CADPS2: variants seen among roughly 807,000 people sequenced by gnomAD.
CADPS2 encodes the protein calcium-dependent secretion activator 2.
In CADPS2, 93 loss-of-function variants were observed where a neutral mutation model predicts 172.5. The ratio of observed to expected loss-of-function variants is 0.54; its 90% CI spans 0.46 to 0.64. The LOEUF (loss-of-function observed/expected upper bound fraction) is 0.64. Among genes scored for constraint, CADPS2 ranks in the 30% least tolerant of loss-of-function variants. The probability of loss-of-function intolerance (pLI) is 0.00; values close to 1 mark genes in which losing one functional copy is unlikely to be tolerated. For synonymous variants in CADPS2, 546 were observed against 555.2 expected (o/e 0.98, Z 0.23); for missense variants, 1,420 against 1,565.9 (o/e 0.91, Z 1.57).
At chr7:122,870,352 A>C (rs966767983) in intron 1 of CADPS2, among the ~76,000 whole-genome samples, 7 of 152,074 alleles carry the variant, frequency 4.6e-5, no homozygotes, top group African/African-American at 1.7e-4. Context: ...CTGTAAAAAG[A>C]GACAAAGAAG....
intron 1 of CADPS2, among the ~76,000 whole-genome samples, chr7:122,771,048 C>T (rs373653402): frequency 1.4e-4 from 22 of 152,220 alleles, no homozygotes; most frequent in African/African-American, 4.8e-4. Flanking sequence ...GAATCATGGG[C>T]TTTTTGAAAA....
intron 29 of CADPS2, among the ~76,000 whole-genome samples, chr7:122,321,613 C>T (rs539258253): frequency 2.0e-5 from 3 of 152,242 alleles, no homozygotes; most frequent in South Asian, 2.1e-4. Context: ...CTCAGCCTCC[C>T]GAGTAGCTGG....
intron 25 of CADPS2, among the ~76,000 whole-genome samples, chr7:122,367,596 G>A (rs2041119830): frequency 7.0e-6 from 1 of 142,988 alleles, no homozygotes; most frequent in Admixed American, 7.2e-5. Flanking sequence ...CCAGGCTGGA[G>A]TGCAACGGCG....
intron 8 of CADPS2, among the ~76,000 whole-genome samples, chr7:122,536,872 T>G (rs1301105530): frequency 6.6e-6 from 1 of 152,008 alleles, no homozygotes; most frequent in East Asian, 1.9e-4. Flanking sequence ...TCAAAATAAT[T>G]CATTGATGAT....
At chr7:122,761,816 G>A (rs1481673448) in intron 1 of CADPS2, among the ~76,000 whole-genome samples, 6 of 147,616 alleles carry the variant, frequency 4.1e-5, no homozygotes, top group African/African-American at 1.0e-4. Flanking sequence ...CCAACATGGC[G>A]AAACCACATC....
At chr7:122,771,112 G>A (rs1418859525) in intron 1 of CADPS2, among the ~76,000 whole-genome samples, 1 of 152,160 alleles carries the variant, frequency 6.6e-6, no homozygotes, top group Non-Finnish European at 1.5e-5. Flanking sequence ...CTGGGGCAGG[G>A]CCTAGATATC....
chr7:122,373,063 T>A (rs1247562390), intron 25 of CADPS2, among the ~76,000 whole-genome samples: 1 of 152,230 alleles, frequency 6.6e-6, no homozygotes, highest in East Asian at 1.9e-4. Flanking sequence ...AAGGCTTAAA[T>A]AAAGTCACAA....
At chr7:122,807,288 C>G (rs1234132794) in intron 1 of CADPS2, among the ~76,000 whole-genome samples, 3 of 152,196 alleles carry the variant, frequency 2.0e-5, no homozygotes, top group Non-Finnish European at 4.4e-5. Flanking sequence ...ATCACTTAGC[C>G]AGTGATCATA....
intron 9 of CADPS2, among the ~76,000 whole-genome samples, chr7:122,495,694 G>A (rs2058679265): frequency 2.0e-5 from 3 of 152,098 alleles, no homozygotes; most frequent in Admixed American, 1.3e-4. Context: ...AGGTTGTTGG[G>A]TGCACAGATC....
In CADPS2 at chr7:122,663,430, G is replaced by C; in HGVS notation, c.593C>G (p.Thr198Arg). 1 of 1,613,906 alleles carries C rather than the reference G, an allele frequency of 6.2e-7. No homozygotes were observed. Among genetic ancestry groups the C allele is most frequent in the Non-Finnish European group, 8.5e-7 (1 of 1,179,872 alleles). ...TTTGGCTATCCATGAGCTCAACACTGTCTCTTTGCTCAAGCCATCTATTTC... is the reference window on the plus strand; with the variant it reads ...TTTGGCTATCCATGAGCTCAACACTCTCTCTTTGCTCAAGCCATCTATTTC... ...LPEIDGLSKE[T>R]VLSSWIAKYD... Residue 198 changes from threonine (T) to arginine (R), a missense_variant, in exon 3 of 30, where the codon ACA (threonine) becomes AGA (arginine). By Grantham distance (71) the Thr-to-Arg change is moderately conservative (BLOSUM62 -1). Transcript: ENST00000449022.
Position 122,781,279 on chromosome 7 carries a change from C to T in CADPS2, c.340-44211G>A, listed in dbSNP as rs575729459. Among the ~76,000 whole-genome samples, 47 of 152,240 alleles carry T rather than the reference C, an allele frequency of 3.1e-4. No homozygotes were observed. In the East Asian group the frequency reaches 6.8e-3, roughly 22 times the overall value. ...TATAAGAGGATTTTCCATGCAATTG[C>T]TATAAATACTTTGCCATCTACATTA... On this transcript the variant is annotated intron_variant, in intron 1 of 29. Transcript: ENST00000449022.
intron 7 of CADPS2, among the ~76,000 whole-genome samples, chr7:122,570,977 T>TAC (rs1441146994): frequency 6.6e-6 from 1 of 152,096 alleles, no homozygotes; most frequent in Non-Finnish European, 1.5e-5. Context: ...GGCACATGTA[T>TAC]ACATATGTAA....
At chr7:122,344,526 C>A (rs925698961) in intron 28 of CADPS2, among the ~76,000 whole-genome samples, 8 of 151,986 alleles carry the variant, frequency 5.3e-5, no homozygotes, top group Non-Finnish European at 1.5e-5. Flanking sequence ...TAAATGAAGA[C>A]CTTAGTGCTG....
chr7:122,458,700 C>T (rs988596530), intron 14 of CADPS2, among the ~76,000 whole-genome samples: 1 of 152,098 alleles, frequency 6.6e-6, no homozygotes, highest in Non-Finnish European at 1.5e-5. Context: ...GATCATATTA[C>T]TTCGTTTTTG....
At chr7:122,573,969 C>A (rs546893386) in intron 7 of CADPS2, among the ~76,000 whole-genome samples, 1 of 152,104 alleles carries the variant, frequency 6.6e-6, no homozygotes, top group East Asian at 1.9e-4. Context: ...ACAGAGTATT[C>A]AGACATACAC....
intron 15 of CADPS2, among the ~76,000 whole-genome samples, chr7:122,442,945 G>A (rs1010343378): frequency 2.0e-5 from 3 of 152,152 alleles, no homozygotes; most frequent in African/African-American, 7.2e-5. Flanking sequence ...GTGCTTTTAA[G>A]AGCATTAGCA....
intron 7 of CADPS2, among the ~76,000 whole-genome samples, chr7:122,570,582 A>G (rs1221679131): frequency 2.1e-4 from 31 of 147,964 alleles, no homozygotes; most frequent in Non-Finnish European, 3.4e-4. Context: ...ACACATGCAC[A>G]TGTATGTTTA....
In CADPS2 at chr7:122,871,472, C is replaced by CA. The variant is rs139978599; in HGVS notation, c.339+14526dup. 6.6e-3 allele frequency among the ~76,000 whole-genome samples: 958 copies of CA among 144,276 alleles called. 9 individuals are homozygous for CA. Among genetic ancestry groups the CA allele is most frequent in the African/African-American group, 0.021 (812 of 39,536 alleles). 94.7% of individuals were successfully genotyped at this position (144,276 alleles called of 152,430 possible). ...TATATTTATACAGTATTCCCCCCCA[C>CA]AAAAAAAAAACAGGATATAAAAACA... is the stretch of plus-strand genomic sequence containing the variant. On this transcript the variant is annotated intron_variant, in intron 1 of 29. Coordinates refer to ENST00000449022, the MANE Select transcript of CADPS2 (RefSeq NM_017954.11).
chr7:122,376,503 A>G (rs2151317953), intron 25 of CADPS2, among the ~76,000 whole-genome samples: 1 of 152,312 alleles, frequency 6.6e-6, no homozygotes, highest in Non-Finnish European at 1.5e-5. Context: ...AGTACCAATT[A>G]TATGAGGAAT....
Sources: gnomAD v4.1 joint callset for allele counts (sites outside exome capture counted in the v4.1 genomes callset) on GRCh38, gnomAD v4.1.1 for gene constraint, MANE v1.5 for transcripts, NCBI Gene and HGNC (gene_info 2026-07-23, HGNC 2026-07-21) for gene names.